The following CDH12 variants were observed in gnomAD, a reference collection of about 807,000 sequenced individuals.
CDH12 encodes the protein cadherin 12, also known as cadherin-12.
CDH12 carries 41 observed loss-of-function variants against 74.1 expected under a neutral mutation model. That is an observed-to-expected ratio of 0.55 (90% CI 0.43 to 0.72). The LOEUF (loss-of-function observed/expected upper bound fraction) is 0.72, where lower values mean the gene tolerates loss of function less well. Ranked by LOEUF, CDH12 falls within the 30% of genes least tolerant of loss-of-function variation. CDH12 has a pLI of 0.00. For synonymous variants in CDH12, 399 were observed against 355.0 expected (o/e 1.12, Z -1.39); for missense variants, 945 against 977.2 (o/e 0.97, Z 0.44).
At chr5:22,324,251 A>T (rs796991640) in intron 3 of CDH12, among the ~76,000 whole-genome samples, 58 of 152,240 alleles carry the variant, frequency 3.8e-4, no homozygotes, top group African/African-American at 1.3e-3. Context: ...GAATGATTTC[A>T]GTTAATCTTT....
chr5:21,754,691 T>G (rs778362857), intron 14 of CDH12, among the ~76,000 whole-genome samples: 3 of 152,132 alleles, frequency 2.0e-5, no homozygotes, highest in Admixed American at 6.5e-5. Flanking sequence ...AGAGATAAAG[T>G]CAGGTGTCCA....
At chr5:21,911,001 AAC>A (rs1164159953) in intron 6 of CDH12, among the ~76,000 whole-genome samples, 1 of 152,192 alleles carries the variant, frequency 6.6e-6, no homozygotes, top group Non-Finnish European at 1.5e-5. Flanking sequence ...TGTTAAGTGA[AAC>A]TGCCTAATAA....
At chr5:22,119,847 T>G (rs550215248) in intron 4 of CDH12, among the ~76,000 whole-genome samples, 1 of 152,302 alleles carries the variant, frequency 6.6e-6, no homozygotes, top group South Asian at 2.1e-4. Flanking sequence ...GTTCCTGGTT[T>G]GCTTGGAGAT....
At chr5:22,531,150 G>T (rs542874158) in intron 1 of CDH12, among the ~76,000 whole-genome samples, 1 of 152,118 alleles carries the variant, frequency 6.6e-6, no homozygotes, top group African/African-American at 2.4e-5. Flanking sequence ...CCCCCAAAAT[G>T]GACCACAATA....
chr5:22,013,344 C>A (rs890676236), intron 5 of CDH12, among the ~76,000 whole-genome samples: 23 of 152,120 alleles, frequency 1.5e-4, no homozygotes, highest in African/African-American at 5.6e-4. Flanking sequence ...GGCAAACCAC[C>A]CACATGATTC....
At chr5:22,155,222 T>C (rs1316172371) in intron 4 of CDH12, among the ~76,000 whole-genome samples, 48 of 152,160 alleles carry the variant, frequency 3.2e-4, no homozygotes, top group Admixed American at 3.1e-3. Flanking sequence ...TCAAGTGTGC[T>C]ATGTAACATG....
intron 2 of CDH12, among the ~76,000 whole-genome samples, chr5:22,448,063 G>T (rs981417861): frequency 6.7e-6 from 1 of 149,062 alleles, no homozygotes; most frequent in African/African-American, 2.5e-5. Flanking sequence ...AGAAGTGAGA[G>T]GATTGCTTGA....
At chr5:22,676,798 T>C (rs1234289110) in intron 1 of CDH12, among the ~76,000 whole-genome samples, 2 of 152,066 alleles carry the variant, frequency 1.3e-5, no homozygotes, top group East Asian at 3.9e-4. Flanking sequence ...TGAAAAAATA[T>C]GGAGAATAAA....
chr5:22,162,097 T>C (rs976866158), intron 4 of CDH12, among the ~76,000 whole-genome samples: 24 of 150,760 alleles, frequency 1.6e-4, no homozygotes, highest in Admixed American at 2.0e-4. Flanking sequence ...CAGTTTTTCA[T>C]CCTACAGCAT....
At chr5:21,970,839 C>CAAAAAAAAAAAAAAAAAAAAAAAAAAA (rs1167373938) in intron 6 of CDH12, among the ~76,000 whole-genome samples, 1 of 27,788 alleles carries the variant, frequency 3.6e-5, no homozygotes, top group African/African-American at 1.2e-4. Flanking sequence ...GACTCTTTCT[C>CAAAAAAAAAAAAAAAAAAAAAAAAAAA]AAAAAAAAAA....
intron 6 of CDH12, among the ~76,000 whole-genome samples, chr5:21,897,343 C>CTATTTTG (rs1301916368): frequency 6.6e-6 from 1 of 152,150 alleles, no homozygotes; most frequent in Non-Finnish European, 1.5e-5. Context: ...TGACATTTAT[C>CTATTTTG]TATTTTGTAT....
intron 1 of CDH12, among the ~76,000 whole-genome samples, chr5:22,522,013 T>C (rs903070070): frequency 6.6e-6 from 1 of 152,206 alleles, no homozygotes; most frequent in African/African-American, 2.4e-5. Context: ...CAATAATTAA[T>C]GTGGTATGTC....
At chr5:22,045,244 C>A (rs1403324310) in intron 5 of CDH12, among the ~76,000 whole-genome samples, 1 of 152,118 alleles carries the variant, frequency 6.6e-6, no homozygotes, top group Non-Finnish European at 1.5e-5. Flanking sequence ...AATAAGATTG[C>A]ACCTTACTCC....
At chr5:22,799,115 TCAAACAAA>T (rs371200414) in intron 1 of CDH12, among the ~76,000 whole-genome samples, 13 of 152,010 alleles carry the variant, frequency 8.6e-5, no homozygotes, top group East Asian at 3.9e-4. Flanking sequence ...AGACCCAGTC[TCAAACAAA>T]CAAACAAACA....
At chr5:22,703,508 C>T (rs1742827450) in intron 1 of CDH12, among the ~76,000 whole-genome samples, 1 of 151,978 alleles carries the variant, frequency 6.6e-6, no homozygotes, top group Non-Finnish European at 1.5e-5. Flanking sequence ...CTTTTTCCCC[C>T]AAAATGAGTG....
intron 1 of CDH12, among the ~76,000 whole-genome samples, chr5:22,660,313 T>C (rs1256476753): frequency 6.6e-6 from 1 of 152,220 alleles, no homozygotes; most frequent in African/African-American, 2.4e-5. Context: ...GTTATGACTA[T>C]GCATTGGTTA....
intron 3 of CDH12, among the ~76,000 whole-genome samples, chr5:22,290,406 T>C (rs1348654514): frequency 2.0e-5 from 3 of 151,908 alleles, no homozygotes; most frequent in African/African-American, 7.3e-5. Context: ...ATGAGGAAAA[T>C]GATAAATGAC....
intron 1 of CDH12, among the ~76,000 whole-genome samples, chr5:22,569,217 C>A (rs1224758117): frequency 6.6e-6 from 1 of 152,168 alleles, no homozygotes; most frequent in African/African-American, 2.4e-5. Context: ...AAGGCAGAGC[C>A]TTATGGGTAG....
At chr5:22,804,151 T>C (rs1748667677) in intron 1 of CDH12, among the ~76,000 whole-genome samples, 2 of 152,156 alleles carry the variant, frequency 1.3e-5, no homozygotes. Flanking sequence ...ATAACAAAGG[T>C]ATTTTTTGTC....
Sources: gnomAD v4.1 joint callset for allele counts (sites outside exome capture counted in the v4.1 genomes callset) on GRCh38, gnomAD v4.1.1 for gene constraint, MANE v1.5 for transcripts, NCBI Gene and HGNC (gene_info 2026-07-23, HGNC 2026-07-21) for gene names.